NLGN1: variants seen among roughly 807,000 people sequenced by gnomAD.
The protein encoded by NLGN1 is neuroligin 1, also known as neuroligin-1.
Under a neutral mutation model 65.5 loss-of-function variants are expected in NLGN1, and 12 were observed. That is an observed-to-expected ratio of 0.18 (90% CI 0.12 to 0.30). The LOEUF is 0.30. Among genes scored for constraint, NLGN1 ranks in the 10% least tolerant of loss-of-function variants. The probability of loss-of-function intolerance (pLI) is 1.00; values close to 1 mark genes in which losing one functional copy is unlikely to be tolerated. For synonymous variants in NLGN1, 350 were observed against 359.5 expected (o/e 0.97, Z 0.30); for missense variants, 750 against 1,007.1 (o/e 0.74, Z 3.46).
intron 3 of NLGN1, among the ~76,000 whole-genome samples, chr3:173,649,737 T>C (rs1758846277): frequency 1.3e-5 from 2 of 152,108 alleles, no homozygotes. Flanking sequence ...GTATCTATAC[T>C]ATTACTAAAA....
At chr3:174,162,428 T>C (rs905746060) in intron 4 of NLGN1, among the ~76,000 whole-genome samples, 2 of 151,932 alleles carry the variant, frequency 1.3e-5, no homozygotes, top group African/African-American at 2.4e-5. Context: ...CTATTGCCAT[T>C]GGCTCAAGTT....
At chr3:173,867,081 A>G (rs1469926353) in intron 4 of NLGN1, among the ~76,000 whole-genome samples, 3 of 152,332 alleles carry the variant, frequency 2.0e-5, no homozygotes, top group Admixed American at 2.0e-4. Flanking sequence ...AAGATCTAGC[A>G]GCACATTAAG....
chr3:174,017,884 A>G (rs1430714196), intron 4 of NLGN1, among the ~76,000 whole-genome samples: 1 of 152,182 alleles, frequency 6.6e-6, no homozygotes, highest in Non-Finnish European at 1.5e-5. Context: ...CATTGATAAC[A>G]TCTTATCAGG....
intron 4 of NLGN1, among the ~76,000 whole-genome samples, chr3:174,266,265 G>A (rs928825752): frequency 8.6e-5 from 13 of 151,976 alleles, no homozygotes; most frequent in African/African-American, 3.1e-4. Flanking sequence ...GTGTCCATGT[G>A]TATTCAATAT....
intron 5 of NLGN1, among the ~76,000 whole-genome samples, chr3:174,276,402 C>CTT (rs1362969546): frequency 6.6e-6 from 1 of 151,842 alleles, no homozygotes; most frequent in Non-Finnish European, 1.5e-5. Flanking sequence ...AAAGCAAATA[C>CTT]TTTTTCTGCA....
At chr3:173,549,161 T>TAG (rs1194187399) in intron 2 of NLGN1, among the ~76,000 whole-genome samples, 1 of 151,960 alleles carries the variant, frequency 6.6e-6, no homozygotes, top group Admixed American at 6.6e-5. Context: ...AGTTTGTAAC[T>TAG]ATTCCCTTTT....
At chr3:173,974,447 A>G (rs1476601059) in intron 4 of NLGN1, among the ~76,000 whole-genome samples, 3 of 152,030 alleles carry the variant, frequency 2.0e-5, no homozygotes, top group African/African-American at 4.8e-5. Context: ...ATCACTTACT[A>G]TATATAAGTC....
At chr3:173,969,516 A>AT (rs1715700818) in intron 4 of NLGN1, among the ~76,000 whole-genome samples, 6 of 152,178 alleles carry the variant, frequency 3.9e-5, no homozygotes, top group Non-Finnish European at 7.4e-5. Context: ...TAATTTAGAT[A>AT]CTAAATTAAT....
chr3:173,551,694 G>T (rs1304139291), intron 2 of NLGN1, among the ~76,000 whole-genome samples: 1 of 152,162 alleles, frequency 6.6e-6, no homozygotes, highest in Non-Finnish European at 1.5e-5. Context: ...AGGCAGGCAG[G>T]GTTGCATTGT....
At chr3:174,061,281 A>G (rs1313898325) in intron 4 of NLGN1, among the ~76,000 whole-genome samples, 1 of 152,152 alleles carries the variant, frequency 6.6e-6, no homozygotes, top group African/African-American at 2.4e-5. Flanking sequence ...TGGGGTTTTC[A>G]GCAGAGTAAT....
At chr3:173,609,614 T>TCTCA (rs1045782522) in intron 3 of NLGN1, among the ~76,000 whole-genome samples, 11 of 152,114 alleles carry the variant, frequency 7.2e-5, no homozygotes, top group Admixed American at 7.2e-4. Flanking sequence ...CTTATACATT[T>TCTCA]CTCACTCATT....
intron 2 of NLGN1, among the ~76,000 whole-genome samples, chr3:173,593,082 T>A (rs963036054): frequency 2.0e-5 from 3 of 152,172 alleles, no homozygotes; most frequent in African/African-American, 7.2e-5. Flanking sequence ...TTCAGGAAGA[T>A]CATCATTCCC....
intron 4 of NLGN1, among the ~76,000 whole-genome samples, chr3:173,843,555 C>T (rs750540942): frequency 6.6e-6 from 1 of 152,192 alleles, no homozygotes; most frequent in Non-Finnish European, 1.5e-5. Flanking sequence ...TAAATCATCT[C>T]TCTCAAGTTC....
At chr3:173,494,112 G>A (rs1729618795) in intron 2 of NLGN1, among the ~76,000 whole-genome samples, 2 of 120,476 alleles carry the variant, frequency 1.7e-5, no homozygotes, top group East Asian at 4.9e-4. Context: ...AATATTTAGT[G>A]TTATAGGTGA....
At chr3:174,150,402 C>T (rs951727892) in intron 4 of NLGN1, among the ~76,000 whole-genome samples, 1 of 152,018 alleles carries the variant, frequency 6.6e-6, no homozygotes, top group African/African-American at 2.4e-5. Flanking sequence ...GTGGGGGACT[C>T]TCTTGTGCAC....
intron 4 of NLGN1, among the ~76,000 whole-genome samples, chr3:173,922,432 A>C (rs1742224546): frequency 6.6e-6 from 1 of 152,102 alleles, no homozygotes; most frequent in South Asian, 2.1e-4. Context: ...AAATTTTTAA[A>C]AAGCTGTTTC....
chr3:173,404,867 A>G (rs1429292689), intron 1 of NLGN1, among the ~76,000 whole-genome samples: 2 of 152,116 alleles, frequency 1.3e-5, no homozygotes, highest in African/African-American at 4.8e-5. Context: ...CTGATTCTAG[A>G]ACACTGCATT....
intron 4 of NLGN1, among the ~76,000 whole-genome samples, chr3:173,889,447 C>T (rs1469863539): frequency 6.6e-6 from 1 of 152,048 alleles, no homozygotes; most frequent in Non-Finnish European, 1.5e-5. Flanking sequence ...TGTAGGAATT[C>T]CAAGGAGTTA....
At chr3:173,397,312 T>C (rs1716776375), upstream of NLGN1, among the ~76,000 whole-genome samples, 1 of 152,170 alleles carries the variant, frequency 6.6e-6, no homozygotes, top group African/African-American at 2.4e-5. Context: ...TGACACTAAA[T>C]TTCCTTTTAA....
Sources: gnomAD v4.1 joint callset for allele counts (sites outside exome capture counted in the v4.1 genomes callset) on GRCh38, gnomAD v4.1.1 for gene constraint, MANE v1.5 for transcripts, NCBI Gene and HGNC (gene_info 2026-07-23, HGNC 2026-07-21) for gene names.